The following ZNF560 variants were observed in gnomAD, a reference collection of about 807,000 sequenced individuals.
The protein encoded by ZNF560 is zinc finger protein 560.
ZNF560 carries 54 observed loss-of-function variants against 81.8 expected under a neutral mutation model. The ratio of observed to expected loss-of-function variants is 0.66; its 90% confidence interval spans 0.53 to 0.83. The LOEUF (loss-of-function observed/expected upper bound fraction) is 0.83, where lower values mean the gene tolerates loss of function less well. ZNF560 is among the 40% of genes least tolerant of loss of function. The pLI is 0.00. For missense variants in ZNF560, 940 were observed against 932.4 expected, an observed-to-expected ratio of 1.01 and a Z score of -0.11; for synonymous variants, 321 against 317.9, an observed-to-expected ratio of 1.01 and a Z score of -0.10.
chr19:9,466,402 G>T lies in ZNF560; in HGVS notation c.*172C>A. 3 of 569,728 alleles carry T rather than the reference G, an allele frequency of 5.3e-6. No homozygotes were observed. Among genetic ancestry groups the T allele is most frequent in the South Asian group, 6.2e-5 (2 of 32,402 alleles). The allele number at this position is 569,728 out of a possible 1,614,324, so 35.3% of individuals were successfully genotyped here. A position where few individuals can be genotyped will look rare whatever the true frequency, so the allele number is the denominator to read the frequency against. On this transcript the variant is annotated 3_prime_UTR_variant, in exon 10 of 10. Coordinates refer to ENST00000301480, the MANE Select transcript of ZNF560 (RefSeq NM_152476.3). ...TTTCCTACATCCCTTACATTTACAG[G>T]GTTTCTCTACAGTGTGAGTTTGTAC...
chr19:9,455,436 C>T, the ZNF560 span, among the ~76,000 whole-genome samples: 1 of 152,200 alleles, frequency 6.6e-6, no homozygotes, highest in Non-Finnish European at 1.5e-5. Flanking sequence ...ATTAATGTAA[C>T]TACCGACCAA....
rs1568451531 is a variant in ZNF560 at position 9,468,184 on chromosome 19, A to G, written c.763T>C (p.Tyr255His). 3 of 1,614,172 alleles carry G rather than the reference A, an allele frequency of 1.9e-6. No homozygotes were observed. The highest frequency in any genetic ancestry group is 1.6e-4 in the Middle Eastern group (1 of 6,062). ...IQYAKDLLSL[Y>H]NKTSTIRKVS... Reference sequence around the variant, plus strand: ...TTCCTTATGGTAGAGGTTTTATTGTATAGAGAAAGGAGGTCTTTTGCATAC... The same window carrying G: ...TTCCTTATGGTAGAGGTTTTATTGTGTAGAGAAAGGAGGTCTTTTGCATAC... The change falls in exon 10 of 10, where the codon TAC (tyrosine) becomes CAC (histidine). Residue 255 changes from tyrosine (Y) to histidine (H), a missense_variant. Tyr to His is a moderately conservative substitution (Grantham distance 83). Coordinates refer to ENST00000301480, the MANE Select transcript of ZNF560 (RefSeq NM_152476.3).
intron 2 of ZNF560, among the ~76,000 whole-genome samples, chr19:9,489,402 G>C (rs2073435605): frequency 1.3e-5 from 2 of 151,874 alleles, no homozygotes; most frequent in African/African-American, 4.8e-5. Context: ...TTCCCAGACG[G>C]TGTGGTGGCT....
chr19:9,452,363 A>G, the ZNF560 span, among the ~76,000 whole-genome samples: 1 of 152,160 alleles, frequency 6.6e-6, no homozygotes, highest in African/African-American at 2.4e-5. Context: ...AGAACTTATA[A>G]CAAAGCTACC....
At chr19:9,472,989 C>G (rs2096444619) in intron 5 of ZNF560, among the ~76,000 whole-genome samples, 190 bp downstream of exon 5, 1 of 152,198 alleles carries the variant, frequency 6.6e-6, no homozygotes. Flanking sequence ...TTCTGAGGCT[C>G]TCACCTGAAG....
At chr19:9,481,066 C>T (rs1401666699) in intron 2 of ZNF560, among the ~76,000 whole-genome samples, 6 of 131,590 alleles carry the variant, frequency 4.6e-5, no homozygotes, top group Non-Finnish European at 9.4e-5. Context: ...CTGGGCAATA[C>T]AGGCAGAGAT....
intron 5 of ZNF560, 25 bp from the exon 6 acceptor site, chr19:9,471,403 T>TC: frequency 9.1e-7 from 1 of 1,101,746 alleles, no homozygotes; most frequent in Non-Finnish European, 1.2e-6. Flanking sequence ...TAAACTGAGG[T>TC]TTTTTTTTTT....
chr19:9,451,246 C>A, the ZNF560 span, among the ~76,000 whole-genome samples: 2 of 152,094 alleles, frequency 1.3e-5, no homozygotes, highest in African/African-American at 2.4e-5. Flanking sequence ...CTACAGTAAC[C>A]AAAATAGCAT....
the ZNF560 span, among the ~76,000 whole-genome samples, chr19:9,458,574 A>C: frequency 6.6e-6 from 1 of 152,184 alleles, no homozygotes; most frequent in Non-Finnish European, 1.5e-5. Flanking sequence ...GCAACTGATG[A>C]CTTTATTTAC....
At chr19:9,503,428 GT>G (rs1227609733), upstream of ZNF560, among the ~76,000 whole-genome samples, 2 of 152,132 alleles carry the variant, frequency 1.3e-5, no homozygotes, top group African/African-American at 4.8e-5. Flanking sequence ...CAGATTCAAT[GT>G]CTCAGGAGGG....
the ZNF560 span, among the ~76,000 whole-genome samples, chr19:9,460,811 C>T: frequency 6.6e-6 from 1 of 152,146 alleles, no homozygotes; most frequent in African/African-American, 2.4e-5. Context: ...TGAATGTACT[C>T]ATTTGGGAAG....
intron 7 of ZNF560, chr19:9,469,937 C>G (rs2073095624): frequency 2.0e-6 from 1 of 501,798 alleles, no homozygotes; most frequent in Non-Finnish European, 3.5e-6. Flanking sequence ...TAGCAGTGAG[C>G]TGCACTTTTT....
chr19:9,482,146 C>A (rs2073299388), intron 2 of ZNF560, among the ~76,000 whole-genome samples: 1 of 151,932 alleles, frequency 6.6e-6, no homozygotes, highest in Non-Finnish European at 1.5e-5. Context: ...AAGCTGGAAA[C>A]CATCATTCTC....
intron 2 of ZNF560, among the ~76,000 whole-genome samples, chr19:9,490,234 G>A (rs1472090268): frequency 6.6e-6 from 1 of 152,218 alleles, no homozygotes; most frequent in Non-Finnish European, 1.5e-5. Context: ...TTCCATTCTT[G>A]AAAAGTTCTG....
At position 9,466,975 on chromosome 19, in the gene ZNF560, A is replaced by G; in HGVS notation, c.1972T>C (p.Cys658Arg). Residue 658 changes from cysteine (C) to arginine (R), a missense_variant, in exon 10 of 10, where the codon TGT becomes CGT. Physicochemically the swap from Cys to Arg is radical, Grantham distance 180 (BLOSUM62 -3). Transcript: ENST00000301480. The stretch of plus-strand genomic sequence containing the variant: ...CTGTAAGCTTTTTCACATGCATTAC[A>G]TTTATAGGGTTTATATCCAGTGTGA... ...RTHTGYKPYK[C>R]NACEKAYSRS... 1.2e-6 allele frequency: 2 copies of G among 1,614,096 alleles called. No homozygotes were observed. The highest frequency in any genetic ancestry group is 2.2e-5 in the South Asian group (2 of 91,080).
At position 9,466,417 on chromosome 19, in the gene ZNF560, TGA is replaced by T. The variant is rs1018088824; in HGVS notation, c.*155_*156del. The T allele has an allele frequency of 1.6e-6, 1 of 633,502 alleles. No homozygotes were observed. Among genetic ancestry groups the T allele is most frequent in the African/African-American group, 1.8e-5 (1 of 54,406 alleles). The allele number at this position is 633,502 out of a possible 1,614,324, so 39.2% of individuals were successfully genotyped here. ...ACATTTACAGGGTTTCTCTACAGTG[TGA>T]GTTTGTACATATCTAGAAAGATTCA... On this transcript the variant is annotated 3_prime_UTR_variant, in exon 10 of 10. Transcript: ENST00000301480.
intron 7 of ZNF560, 191 bp from the exon 8 acceptor site, chr19:9,469,901 T>C: frequency 1.8e-6 from 1 of 553,696 alleles, no homozygotes; most frequent in Non-Finnish European, 3.2e-6. Context: ...TTAACTCATT[T>C]CCTGTTTGCC....
intron 2 of ZNF560, among the ~76,000 whole-genome samples, chr19:9,480,989 TAGGAGG>T (rs1456884433): frequency 6.7e-5 from 10 of 148,600 alleles, no homozygotes; most frequent in Non-Finnish European, 1.5e-4. Flanking sequence ...GAGGCTGAGG[TAGGAGG>T]ATAGCTTGAG....
At chr19:9,469,817 A>C (rs2073094383) in intron 7 of ZNF560, 107 bp from the exon 8 acceptor site, 1 of 838,230 alleles carries the variant, frequency 1.2e-6, no homozygotes, top group Non-Finnish European at 2.0e-6. Flanking sequence ...AAAAGCACTT[A>C]AATTGCATAT....
Sources: allele counts gnomAD v4.1 joint callset (sites outside exome capture counted in the v4.1 genomes callset), GRCh38; gene constraint gnomAD v4.1.1; transcripts MANE v1.5; gene names NCBI Gene and HGNC (gene_info 2026-07-23, HGNC 2026-07-21).